The following PRDM11 variants were observed in gnomAD, a reference collection of about 807,000 sequenced individuals.
PRDM11 encodes PR domain-containing protein 11.
In PRDM11, 20 loss-of-function variants were observed where a neutral mutation model predicts 97.8. The observed-to-expected ratio is 0.20, with a 90% CI of 0.14 to 0.30. PRDM11 has a LOEUF of 0.30. Ranked by LOEUF, PRDM11 falls within the 10% of genes least tolerant of loss-of-function variation. PRDM11 has a pLI of 1.00. For synonymous variants in PRDM11, 599 were observed against 637.7 expected (o/e 0.94, Z 0.91); for missense variants, 1,139 against 1,555.2 (o/e 0.73, Z 4.50).
At chr11:45,144,361 G>A (rs113891089), upstream of PRDM11, among the ~76,000 whole-genome samples, 2 of 152,244 alleles carry the variant, frequency 1.3e-5, no homozygotes, top group East Asian at 1.9e-4. Flanking sequence ...CGCCTGAAGC[G>A]CTGACTCCCC....
At chr11:45,106,128 C>T (rs962282168) in intron 1 of PRDM11, among the ~76,000 whole-genome samples, 2 of 152,312 alleles carry the variant, frequency 1.3e-5, no homozygotes, top group East Asian at 1.9e-4. Context: ...AGCAAGTGTC[C>T]GTGGCCCCAG....
At chr11:45,137,327 G>T (rs1383066791) in intron 1 of PRDM11, among the ~76,000 whole-genome samples, 1 of 152,008 alleles carries the variant, frequency 6.6e-6, no homozygotes, top group Non-Finnish European at 1.5e-5. Flanking sequence ...CAGCTACTCG[G>T]GAGGCTGAGG....
chr11:45,103,135 C>T (rs934575209), intron 1 of PRDM11, among the ~76,000 whole-genome samples: 1 of 152,206 alleles, frequency 6.6e-6, no homozygotes, highest in African/African-American at 2.4e-5. Flanking sequence ...TGGACAGTTG[C>T]CTCTGCCATG....
At chr11:45,127,728 G>A (rs1241688041) in intron 1 of PRDM11, among the ~76,000 whole-genome samples, 1 of 152,236 alleles carries the variant, frequency 6.6e-6, no homozygotes, top group Non-Finnish European at 1.5e-5. Flanking sequence ...TGTCTCAGAG[G>A]AGTACCCGGC....
intron 5 of PRDM11, among the ~76,000 whole-genome samples, chr11:45,215,161 C>T (rs1048452967): frequency 1.3e-5 from 2 of 152,226 alleles, no homozygotes; most frequent in Non-Finnish European, 2.9e-5. Flanking sequence ...CCCCACCAAT[C>T]CAGGTGTCTG....
At chr11:45,217,906 AAGATGATCCACCTGT>A (rs1640996949) in intron 5 of PRDM11, among the ~76,000 whole-genome samples, 1 of 152,254 alleles carries the variant, frequency 6.6e-6, no homozygotes, top group Non-Finnish European at 1.5e-5. Context: ...CAAAATTACA[AAGATGATCCACCTGT>A]AAGGGGTTGT....
chr11:45,109,076 C>A (rs998637703), intron 1 of PRDM11, among the ~76,000 whole-genome samples: 1 of 152,214 alleles, frequency 6.6e-6, no homozygotes, highest in African/African-American at 2.4e-5. Flanking sequence ...TCTGGGCACT[C>A]AAGGCTGGAA....
At chr11:45,109,273 G>T (rs537041507) in intron 1 of PRDM11, among the ~76,000 whole-genome samples, 35 of 152,306 alleles carry the variant, frequency 2.3e-4, no homozygotes, top group African/African-American at 8.2e-4. Context: ...GCTTGGCAAT[G>T]CCAGTGGCCA....
intron 1 of PRDM11, among the ~76,000 whole-genome samples, chr11:45,172,457 A>G (rs1349690041): frequency 6.6e-6 from 1 of 152,070 alleles, no homozygotes; most frequent in Non-Finnish European, 1.5e-5. Flanking sequence ...CATTAGCATA[A>G]ACTCAGGTAT....
intron 4 of PRDM11, among the ~76,000 whole-genome samples, chr11:45,190,321 G>A (rs1852864640): frequency 6.6e-6 from 1 of 151,882 alleles, no homozygotes. Flanking sequence ...TAATTTTTTT[G>A]TATTTTAGTA....
chr11:45,152,220 C>T (rs1851677020), intron 1 of PRDM11, among the ~76,000 whole-genome samples: 2 of 152,150 alleles, frequency 1.3e-5, no homozygotes, highest in African/African-American at 4.8e-5. Flanking sequence ...GCACATACCA[C>T]CACACTTGGC....
At chr11:45,159,103 A>G (rs929580840) in intron 1 of PRDM11, among the ~76,000 whole-genome samples, 3 of 152,180 alleles carry the variant, frequency 2.0e-5, no homozygotes, top group African/African-American at 7.2e-5. Flanking sequence ...GTTAGAAACC[A>G]GACTCCTCCC....
At chr11:45,187,059 G>T (rs894800654) in intron 4 of PRDM11, among the ~76,000 whole-genome samples, 8 of 152,246 alleles carry the variant, frequency 5.3e-5, no homozygotes, top group Non-Finnish European at 5.9e-5. Flanking sequence ...GGATAACAGG[G>T]CTGCGTGAGG....
chr11:45,105,005 C>T (rs1852037569), intron 1 of PRDM11, among the ~76,000 whole-genome samples: 1 of 152,206 alleles, frequency 6.6e-6, no homozygotes, highest in Non-Finnish European at 1.5e-5. Context: ...AACAAAAATA[C>T]CATAATCTAG....
rs192778701 is a variant in PRDM11, at chr11:45,213,520, G to A, written c.555-6050G>A. On this transcript the variant is annotated intron_variant, in intron 5 of 7. Coordinates refer to ENST00000683152, the MANE Select transcript of PRDM11 (RefSeq NM_001384648.1). The stretch of plus-strand genomic sequence containing the variant: ...GGGAGGGGTCTACCCTCCCTTGCCC[G>A]GGGGTGGTGCCCGCCTTGGCCCTCC... 3.1e-3 allele frequency: 1,436 copies of A among 456,452 alleles called. 6 individuals carry two copies. Among genetic ancestry groups the A allele is most frequent in the Non-Finnish European group, 5.1e-3 (1,149 of 226,800 alleles). 28.3% of individuals were successfully genotyped at this position (456,452 alleles called of 1,614,324 possible). A position where few individuals can be genotyped will look rare whatever the true frequency, so the allele number is the denominator to read the frequency against.
intron 1 of PRDM11, among the ~76,000 whole-genome samples, chr11:45,119,230 C>T (rs1852370410): frequency 6.6e-6 from 1 of 152,168 alleles, no homozygotes; most frequent in South Asian, 2.1e-4. Context: ...TAGTTTCCTT[C>T]CTGAAACATC....
At position 45,158,899 on chromosome 11, in the gene PRDM11, G is replaced by A. The variant is rs532231530; in HGVS notation, c.-7+12022G>A. 3.9e-5 allele frequency among the ~76,000 whole-genome samples: 6 copies of A among 152,240 alleles called. No homozygotes were observed. The South Asian group carries it at 8.3e-4, about 21-fold the overall frequency. On this transcript the variant is annotated intron_variant, in intron 1 of 7. Transcript: ENST00000683152. ...AAATCCTCCAAGGTTGTCCGTGTCC[G>A]GGTCCAGGGGCACAGTCTGGCCCCT...
chr11:45,166,204 C>G (rs936114190), intron 1 of PRDM11, among the ~76,000 whole-genome samples: 10 of 152,148 alleles, frequency 6.6e-5, no homozygotes, highest in Non-Finnish European at 1.3e-4. Context: ...GTCCTCAGGA[C>G]TTGTTCCGTC....
chr11:45,159,752 G>C (rs527558556), intron 1 of PRDM11, among the ~76,000 whole-genome samples: 10 of 152,312 alleles, frequency 6.6e-5, no homozygotes, highest in African/African-American at 2.2e-4. Context: ...GTCAGTGGCA[G>C]TTAGCTCTGT....
Sources: allele counts gnomAD v4.1 joint callset (sites outside exome capture counted in the v4.1 genomes callset), GRCh38; gene constraint gnomAD v4.1.1; transcripts MANE v1.5; gene names NCBI Gene and HGNC (gene_info 2026-07-23, HGNC 2026-07-21).